Variants in CSMD1 observed in about 807,000 individuals in gnomAD.
The protein encoded by CSMD1 is CUB and sushi domain-containing protein 1.
A neutral mutation model predicts 417.5 loss-of-function variants in CSMD1; 213 were observed. The observed-to-expected ratio is 0.51, with a 90% CI of 0.46 to 0.57. CSMD1 has a LOEUF of 0.57. Ranked by LOEUF, CSMD1 falls within the 20% of genes least tolerant of loss-of-function variation. The pLI, the probability that CSMD1 is intolerant of heterozygous loss-of-function variation, is 0.00. For missense variants in CSMD1, 6,923 were observed against 4,529.7 expected (o/e 1.53, Z -15.17); for synonymous variants, 2,862 against 1,736.8 (o/e 1.65, Z -16.11).
At chr8:3,859,237 G>A (rs948447756) in intron 5 of CSMD1, among the ~76,000 whole-genome samples, 7 of 152,178 alleles carry the variant, frequency 4.6e-5, no homozygotes, top group African/African-American at 1.7e-4. Flanking sequence ...AACTTCTCAA[G>A]TGAACGCCAT....
chr8:3,069,067 T>C (rs1434867232), intron 49 of CSMD1, among the ~76,000 whole-genome samples: 1 of 152,124 alleles, frequency 6.6e-6, no homozygotes, highest in African/African-American at 2.4e-5. Context: ...AAAATAAGTT[T>C]GTAGCTTCCA....
At chr8:4,067,059 G>T (rs948244027) in intron 3 of CSMD1, among the ~76,000 whole-genome samples, 1 of 152,208 alleles carries the variant, frequency 6.6e-6, no homozygotes, top group African/African-American at 2.4e-5. Context: ...TTGCCACATG[G>T]CGAAGACTGA....
Position 3,493,673 on chromosome 8 carries a change from C to G in CSMD1, c.1398G>C (p.Leu466=). The G allele has an allele frequency of 6.2e-7, 1 of 1,612,108 alleles. No individual in the cohort carries two copies. Among genetic ancestry groups the G allele is most frequent in the Non-Finnish European group, 8.5e-7 (1 of 1,179,190 alleles). The part of the protein sequence containing the change: ...EFELERGYDT[L]TVGDAGKVGD... ...CCACCTTCCCAGCATCACCAACCGT[C>G]AGGGTGTCATAGCCTCGCTCCAGCT... The change falls in exon 11 of 70, where the codon CTG becomes CTC. Residue 466 remains leucine, a synonymous_variant. Coordinates refer to ENST00000635120, the MANE Select transcript of CSMD1 (RefSeq NM_033225.6).
intron 3 of CSMD1, among the ~76,000 whole-genome samples, chr8:4,381,402 C>G (rs1803095859): frequency 1.3e-5 from 2 of 152,046 alleles, no homozygotes; most frequent in Admixed American, 1.3e-4. Context: ...GTGGAAAACC[C>G]ATGAATATTT....
intron 25 of CSMD1, among the ~76,000 whole-genome samples, chr8:3,299,925 G>T (rs547722196): frequency 6.6e-6 from 1 of 152,196 alleles, no homozygotes; most frequent in Admixed American, 6.5e-5. Context: ...GAGGCAATTT[G>T]GTAATGGCTA....
intron 5 of CSMD1, among the ~76,000 whole-genome samples, chr8:3,922,215 A>C (rs1036750422): frequency 5.9e-5 from 9 of 152,088 alleles, no homozygotes; most frequent in African/African-American, 1.7e-4. Flanking sequence ...CTTTTTAACC[A>C]CTTGCATAAA....
intron 2 of CSMD1, among the ~76,000 whole-genome samples, chr8:4,441,891 C>T (rs926574290): frequency 1.3e-4 from 20 of 152,298 alleles, no homozygotes; most frequent in Non-Finnish European, 1.6e-4. Context: ...TATGCTGCTA[C>T]AATTTTAGGA....
chr8:3,720,207 C>G (rs1403678037), intron 6 of CSMD1, among the ~76,000 whole-genome samples: 1 of 152,162 alleles, frequency 6.6e-6, no homozygotes, highest in Non-Finnish European at 1.5e-5. Flanking sequence ...AGTAAGACGT[C>G]CATGGAGTTG....
At chr8:4,336,631 G>A (rs1040360100) in intron 3 of CSMD1, among the ~76,000 whole-genome samples, 1 of 152,126 alleles carries the variant, frequency 6.6e-6, no homozygotes, top group Non-Finnish European at 1.5e-5. Flanking sequence ...GCACAAATGA[G>A]CACATGAGCA....
intron 3 of CSMD1, among the ~76,000 whole-genome samples, chr8:4,085,822 C>A (rs1800389460): frequency 6.6e-6 from 1 of 152,074 alleles, no homozygotes; most frequent in African/African-American, 2.4e-5. Context: ...TTCCTGATAG[C>A]CAGATAAAAG....
rs539685074 is a variant in CSMD1, at chr8:4,350,868, C to T, written c.415+69085G>A. Reference sequence around the variant, plus strand: ...CACTATCTGCCAGTGGCTCTAGTTCCGGTGGATGGAGGGGAAAGGATGTGC... The same window carrying T: ...CACTATCTGCCAGTGGCTCTAGTTCTGGTGGATGGAGGGGAAAGGATGTGC... On this transcript the variant is annotated intron_variant, in intron 3 of 69. Transcript: ENST00000635120. Among the ~76,000 whole-genome samples the T allele has an allele frequency of 5.5e-4, 83 of 152,260 alleles. 1 individual carries two copies. Among genetic ancestry groups the T allele is most frequent in the African/African-American group, 1.7e-3 (72 of 41,554 alleles).
intron 1 of CSMD1, among the ~76,000 whole-genome samples, chr8:4,901,647 T>C (rs1804876911): frequency 6.6e-6 from 1 of 152,202 alleles, no homozygotes; most frequent in East Asian, 1.9e-4. Context: ...AACTAGAAAG[T>C]TTGCAAGGCT....
Position 4,834,918 on chromosome 8 carries a change from C to G in CSMD1, c.85+159414G>C, listed in dbSNP as rs1800374424. On this transcript the variant is annotated intron_variant, in intron 1 of 69. Coordinates refer to ENST00000635120, the MANE Select transcript of CSMD1 (RefSeq NM_033225.6). ...CTTGCAGTGATCTGAGATGGCGCCA[C>G]TGCACTCCAGCCTGGGCGACAGGGC... Among the ~76,000 whole-genome samples the G allele has an allele frequency of 2.4e-5, 3 of 123,584 alleles. No homozygotes were observed. In the South Asian group the frequency reaches 8.6e-4, roughly 36 times the overall value. 81.1% of individuals were successfully genotyped at this position (123,584 alleles called of 152,430 possible). A position where few individuals can be genotyped will look rare whatever the true frequency, so the allele number is the denominator to read the frequency against.
intron 4 of CSMD1, among the ~76,000 whole-genome samples, chr8:4,023,189 T>G (rs1000379896): frequency 1.3e-5 from 2 of 152,214 alleles, no homozygotes; most frequent in Admixed American, 6.5e-5. Context: ...AGTGCAATGT[T>G]GCAGGCTACA....
intron 26 of CSMD1, among the ~76,000 whole-genome samples, chr8:3,270,488 T>G (rs145986091): frequency 6.6e-6 from 1 of 152,360 alleles, no homozygotes; most frequent in Non-Finnish European, 1.5e-5. Flanking sequence ...AAAATGACCA[T>G]TGAACTTCAT....
chr8:4,288,835 C>T (rs887674581), intron 3 of CSMD1, among the ~76,000 whole-genome samples: 3 of 152,128 alleles, frequency 2.0e-5, no homozygotes, highest in South Asian at 2.1e-4. Flanking sequence ...GTCAGTAAAG[C>T]ACTAATATAG....
chr8:4,870,878 G>C (rs1802696931), intron 1 of CSMD1, among the ~76,000 whole-genome samples: 1 of 152,132 alleles, frequency 6.6e-6, no homozygotes, highest in African/African-American at 2.4e-5. Context: ...GTTCCTGATT[G>C]TGTCACCTGG....
intron 1 of CSMD1, among the ~76,000 whole-genome samples, chr8:4,741,260 C>G (rs1250942567): frequency 1.3e-5 from 2 of 152,152 alleles, no homozygotes; most frequent in Non-Finnish European, 2.9e-5. Flanking sequence ...TAAAGAAGAG[C>G]ATCTTTGTGA....
rs960830639 is a variant in CSMD1, at chr8:4,144,697, C to A, written c.416-112598G>T. Reference sequence around the variant, plus strand: ...TCCCGACTGTGCGGTTTTACATACTCGGCAAAGAGTGGAGATTTCCTCATT... The same window carrying A: ...TCCCGACTGTGCGGTTTTACATACTAGGCAAAGAGTGGAGATTTCCTCATT... On this transcript the variant is annotated intron_variant, in intron 3 of 69. Coordinates refer to ENST00000635120, the MANE Select transcript of CSMD1 (RefSeq NM_033225.6). 2.6e-5 allele frequency among the ~76,000 whole-genome samples: 4 copies of A among 151,066 alleles called. 1 individual carries two copies. Among genetic ancestry groups the A allele is most frequent in the African/African-American group, 9.9e-5 (4 of 40,400 alleles).
Sources: allele counts gnomAD v4.1 joint callset (sites outside exome capture counted in the v4.1 genomes callset), GRCh38; gene constraint gnomAD v4.1.1; transcripts MANE v1.5; gene names NCBI Gene and HGNC (gene_info 2026-07-23, HGNC 2026-07-21).